Variants in ANKRD18B observed in about 807,000 individuals in gnomAD.
The protein encoded by ANKRD18B is ankyrin repeat domain-containing protein 18B.
A neutral mutation model predicts 111.8 loss-of-function variants in ANKRD18B; 75 were observed. That is an observed-to-expected ratio of 0.67 (90% confidence interval 0.56 to 0.81). The LOEUF (loss-of-function observed/expected upper bound fraction) is 0.81. Ranked by LOEUF, ANKRD18B falls within the 40% of genes least tolerant of loss-of-function variation. ANKRD18B has a pLI of 0.00. For missense variants in ANKRD18B, 1,038 were observed against 1,225.5 expected, an observed-to-expected ratio of 0.85 and a Z score of 2.28; for synonymous variants, 356 against 417.3, an observed-to-expected ratio of 0.85 and a Z score of 1.79.
intron 14 of ANKRD18B, among the ~76,000 whole-genome samples, chr9:33,562,725 T>C (rs1032824477): frequency 1.3e-5 from 2 of 152,222 alleles, no homozygotes; most frequent in Non-Finnish European, 2.9e-5. Context: ...AAGGAGAAAT[T>C]GCATTTGATG....
chr9:33,531,054 A>T (rs189075314), intron 3 of ANKRD18B, among the ~76,000 whole-genome samples: 1 of 152,306 alleles, frequency 6.6e-6, no homozygotes, highest in African/African-American at 2.4e-5. Flanking sequence ...GAGCTTTGGC[A>T]TTATCGGGAT....
In ANKRD18B at chr9:33,524,567, G is replaced by A; in HGVS notation, c.78G>A (p.Arg26=). 2 of 1,551,498 alleles carry A rather than the reference G, an allele frequency of 1.3e-6. No homozygotes were observed. The highest frequency in any genetic ancestry group is 1.7e-6 in the Non-Finnish European group (2 of 1,146,830). ...CCATGGACCAAGAGTATGCGGGTCG[G>A]GGGTACCACATTCGGGACTGGGAAC... ...LSSMDQEYAG[R]GYHIRDWELR... is the part of the protein sequence containing the mutation. The change falls in exon 1 of 19, where the codon CGG becomes CGA. Residue 26 remains arginine (R), a synonymous_variant. Coordinates refer to ENST00000684830, the MANE Select transcript of ANKRD18B (RefSeq NM_001393611.1).
At chr9:33,558,486 A>G (rs1828560487) in intron 14 of ANKRD18B, among the ~76,000 whole-genome samples, 1 of 152,136 alleles carries the variant, frequency 6.6e-6, no homozygotes, top group Admixed American at 6.6e-5. Context: ...GCTGAGGATA[A>G]CAGCTTCGAG....
intron 12 of ANKRD18B, among the ~76,000 whole-genome samples, 153 bp downstream of exon 12, chr9:33,550,732 T>C (rs1697471946): frequency 6.6e-6 from 1 of 152,208 alleles, no homozygotes; most frequent in African/African-American, 2.4e-5. Flanking sequence ...ATAACGTACT[T>C]CTTCAACTCT....
intron 13 of ANKRD18B, among the ~76,000 whole-genome samples, chr9:33,557,059 TTC>T (rs1828537751): frequency 6.6e-6 from 1 of 152,134 alleles, no homozygotes; most frequent in Non-Finnish European, 1.5e-5. Flanking sequence ...TAAGTTGGTT[TTC>T]TGATTCTAAT....
In ANKRD18B at chr9:33,534,334, A is replaced by G. The variant is rs957528973; in HGVS notation, c.603-36A>G. 3.3e-6 allele frequency: 5 copies of G among 1,504,314 alleles called. No individual in the cohort carries two copies. In the African/African-American group the frequency reaches 7.1e-5, roughly 21 times the overall value. The allele number at this position is 1,504,314 out of a possible 1,614,324, so 93.2% of individuals were successfully genotyped here. On this transcript the variant is annotated intron_variant, in intron 4 of 18. Transcript: ENST00000684830. ...ATTTGCTAATTAAATATCTTTATCA[A>G]AGTTCTTGAGTGCTGTTATTTCTTT... is the stretch of plus-strand genomic sequence containing the variant.
intron 16 of ANKRD18B, among the ~76,000 whole-genome samples, chr9:33,567,747 C>A (rs1426507106): frequency 6.6e-6 from 1 of 152,212 alleles, no homozygotes; most frequent in Admixed American, 6.5e-5. Flanking sequence ...CATCCTGGCA[C>A]TCAGGCAGGG....
At chr9:33,565,289 C>T (rs1464468914) in intron 14 of ANKRD18B, among the ~76,000 whole-genome samples, 4 of 152,234 alleles carry the variant, frequency 2.6e-5, no homozygotes, top group Middle Eastern at 6.8e-3. Flanking sequence ...AATGTATGTT[C>T]TTGGCACCTT....
At chr9:33,544,489 C>T (rs1828327179) in intron 10 of ANKRD18B, among the ~76,000 whole-genome samples, 1 of 152,128 alleles carries the variant, frequency 6.6e-6, no homozygotes, top group Non-Finnish European at 1.5e-5. Flanking sequence ...AGAACCAGAA[C>T]TGAGTAAGAA....
intron 16 of ANKRD18B, 21 bp downstream of exon 16, chr9:33,567,335 A>T: frequency 6.6e-7 from 1 of 1,520,732 alleles, no homozygotes; most frequent in Non-Finnish European, 8.8e-7. Flanking sequence ...ACATATACTC[A>T]TAGAAAATGA....
At chr9:33,537,573 C>T (rs985995840) in intron 6 of ANKRD18B, among the ~76,000 whole-genome samples, 16 of 151,962 alleles carry the variant, frequency 1.1e-4, no homozygotes, top group African/African-American at 3.1e-4. Context: ...TACATTGTTA[C>T]GAATTGGACT....
chr9:33,538,508 G>C (rs1193040235), intron 6 of ANKRD18B, among the ~76,000 whole-genome samples: 4 of 152,130 alleles, frequency 2.6e-5, no homozygotes, highest in Non-Finnish European at 5.9e-5. Flanking sequence ...GGCCAAGGAA[G>C]GCAGATCACT....
chr9:33,543,847 TA>T (rs1361635902), intron 10 of ANKRD18B, among the ~76,000 whole-genome samples: 1 of 152,174 alleles, frequency 6.6e-6, no homozygotes, highest in African/African-American at 2.4e-5. Context: ...TGTTTTAACA[TA>T]AGTAGAAAAT....
At chr9:33,557,300 T>TG (rs1828541036) in intron 13 of ANKRD18B, among the ~76,000 whole-genome samples, 1 of 152,162 alleles carries the variant, frequency 6.6e-6, no homozygotes, top group Non-Finnish European at 1.5e-5. Context: ...TTGTGCTTTT[T>TG]GGGTGTACTT....
intron 5 of ANKRD18B, among the ~76,000 whole-genome samples, chr9:33,536,361 T>A (rs1407990299): frequency 6.6e-6 from 1 of 152,176 alleles, no homozygotes; most frequent in Non-Finnish European, 1.5e-5. Flanking sequence ...TATTAGAAAC[T>A]ATGGAAAAAC....
chr9:33,550,755 G>T (rs1408783850), intron 12 of ANKRD18B, among the ~76,000 whole-genome samples, 176 bp downstream of exon 12: 2 of 151,980 alleles, frequency 1.3e-5, no homozygotes, highest in African/African-American at 2.4e-5. Context: ...CTCTTGTTCT[G>T]CCATTTTGAA....
intron 1 of ANKRD18B, among the ~76,000 whole-genome samples, chr9:33,526,869 A>C (rs1828031907): frequency 6.6e-6 from 1 of 152,232 alleles, no homozygotes; most frequent in Non-Finnish European, 1.5e-5. Context: ...TATTACTATC[A>C]CAAAAATATT....
At position 33,550,459 on chromosome 9, in the gene ANKRD18B, G is replaced by GA. The variant is rs1375294364; in HGVS notation, c.2097_2098insA (p.Val700SerfsTer5). 1 of 1,545,356 alleles carries GA rather than the reference G, an allele frequency of 6.5e-7. No homozygotes were observed. Among genetic ancestry groups the GA allele is most frequent in the Admixed American group, 2.0e-5 (1 of 50,230 alleles). On this transcript the variant is annotated frameshift_variant, in exon 12 of 19. Coordinates refer to ENST00000684830, the MANE Select transcript of ANKRD18B (RefSeq NM_001393611.1). LOFTEE classifies it high-confidence loss of function. ...TTGTGAGAGAATTTCAAGAAGAACT[G>GA]GTCGATCATCTTAAAAAATTTTCAA...
chr9:33,543,940 T>C (rs1229344415), intron 10 of ANKRD18B, among the ~76,000 whole-genome samples: 1 of 152,220 alleles, frequency 6.6e-6, no homozygotes, highest in Non-Finnish European at 1.5e-5. Context: ...CCTATCTAGA[T>C]AACACTATCA....
Sources: allele counts gnomAD v4.1 joint callset (sites outside exome capture counted in the v4.1 genomes callset), GRCh38; gene constraint gnomAD v4.1.1; transcripts MANE v1.5; gene names NCBI Gene and HGNC (gene_info 2026-07-23, HGNC 2026-07-21).